MALRD1: variants seen among roughly 807,000 people sequenced by gnomAD.
MALRD1 encodes MAM and LDL-receptor class A domain-containing protein 1.
A neutral mutation model predicts 242.1 loss-of-function variants in MALRD1; 247 were observed. That is an observed-to-expected ratio of 1.02 (90% confidence interval 0.92 to 1.13). The LOEUF (loss-of-function observed/expected upper bound fraction) is 1.13, where lower values mean the gene tolerates loss of function less well. Ranked by LOEUF, MALRD1 falls within the 50% of genes most tolerant of loss-of-function variation. MALRD1 has a pLI of 0.00. For synonymous variants in MALRD1, 995 were observed against 866.6 expected (o/e 1.15, Z -2.60); for missense variants, 2,989 against 2,533.1 (o/e 1.18, Z -3.86).
intron 38 of MALRD1, among the ~76,000 whole-genome samples, chr10:19,704,664 A>G (rs1398458938): frequency 6.6e-6 from 1 of 152,196 alleles, no homozygotes; most frequent in Non-Finnish European, 1.5e-5. Context: ...CCCTTCCACA[A>G]ACGTTTATTA....
At chr10:19,498,272 A>G (rs867925743) in intron 30 of MALRD1, among the ~76,000 whole-genome samples, 97 of 152,254 alleles carry the variant, frequency 6.4e-4, no homozygotes, top group African/African-American at 2.2e-3. Context: ...GTCAATGCAT[A>G]TAACTCCTTA....
At chr10:19,096,491 C>T (rs4748553) in intron 4 of MALRD1, among the ~76,000 whole-genome samples, 66,298 of 152,012 alleles carry the variant, frequency 0.44, 14,744 homozygotes, top group Admixed American at 0.52. Context: ...TCTCGGGATC[C>T]TTCGGCTACA....
At chr10:19,727,973 T>C (rs1424072247) in intron 38 of MALRD1, among the ~76,000 whole-genome samples, 1 of 152,206 alleles carries the variant, frequency 6.6e-6, no homozygotes, top group Non-Finnish European at 1.5e-5. Context: ...ACTAAATGTA[T>C]AGAGTGACAC....
At position 19,347,899 on chromosome 10, in the gene MALRD1, C is replaced by G. The variant is rs1472147661; in HGVS notation, c.4030C>G (p.His1344Asp). The G allele has an allele frequency of 6.5e-7, 1 of 1,550,246 alleles. No individual in the cohort carries two copies. Among genetic ancestry groups the G allele is most frequent in the East Asian group, 2.4e-5 (1 of 40,910 alleles). ...AGCAGGCACAGAGCCAGCAGCAGATCACACTTTGGGAAATTCATCTGGTCA... is the reference window on the plus strand; with the variant it reads ...AGCAGGCACAGAGCCAGCAGCAGATGACACTTTGGGAAATTCATCTGGTCA... The part of the protein sequence containing the change: ...PAAGTEPAAD[H>D]TLGNSSGHYI... Residue 1344 changes from histidine to aspartate, a missense_variant, in exon 25 of 40, where the codon CAC (histidine) becomes GAC (aspartate). His to Asp is a moderately conservative substitution (Grantham distance 81, BLOSUM62 -1). Coordinates refer to ENST00000454679, the MANE Select transcript of MALRD1 (RefSeq NM_001142308.3).
intron 23 of MALRD1, 102 bp from the exon 24 acceptor site, chr10:19,331,267 A>G: frequency 9.8e-7 from 1 of 1,015,858 alleles, no homozygotes; most frequent in Non-Finnish European, 1.4e-6. Context: ...AAAAACAAAC[A>G]ACAAAAAACA....
intron 29 of MALRD1, among the ~76,000 whole-genome samples, chr10:19,482,736 G>C (rs12218651): frequency 4.7e-5 from 7 of 150,046 alleles, no homozygotes; most frequent in Non-Finnish European, 1.0e-4. Flanking sequence ...TAACCAAGGA[G>C]GTGAAAGATA....
chr10:19,263,164 G>A (rs1375782330), intron 19 of MALRD1, among the ~76,000 whole-genome samples: 1 of 152,148 alleles, frequency 6.6e-6, no homozygotes, highest in African/African-American at 2.4e-5. Flanking sequence ...ACCCAGAACT[G>A]GGATTGCTGG....
At chr10:19,134,834 A>G (rs970962571) in intron 9 of MALRD1, among the ~76,000 whole-genome samples, 2 of 152,188 alleles carry the variant, frequency 1.3e-5, no homozygotes, top group African/African-American at 4.8e-5. Context: ...CAGGTTCTCA[A>G]GTGGATATGT....
intron 8 of MALRD1, among the ~76,000 whole-genome samples, chr10:19,131,116 A>G (rs1275023669): frequency 6.6e-6 from 1 of 152,138 alleles, no homozygotes; most frequent in Non-Finnish European, 1.5e-5. Context: ...CAAAATCTGC[A>G]TCAAAGTACA....
chr10:19,729,423 C>T (rs1046734702), intron 38 of MALRD1, among the ~76,000 whole-genome samples: 1 of 152,056 alleles, frequency 6.6e-6, no homozygotes, highest in Non-Finnish European at 1.5e-5. Context: ...TTGTGTTATA[C>T]AATTATCATA....
At chr10:19,538,083 A>G (rs866847797) in intron 32 of MALRD1, among the ~76,000 whole-genome samples, 12 of 152,374 alleles carry the variant, frequency 7.9e-5, no homozygotes, top group Middle Eastern at 3.4e-3. Context: ...AGTGTATCAT[A>G]TAAAGTGAAA....
At chr10:19,407,615 A>T (rs1833093000) in intron 28 of MALRD1, among the ~76,000 whole-genome samples, 1 of 152,238 alleles carries the variant, frequency 6.6e-6, no homozygotes, top group Non-Finnish European at 1.5e-5. Context: ...CTATAAAAAG[A>T]TGCCCTACCA....
chr10:19,695,333 C>T (rs972661872), intron 38 of MALRD1, among the ~76,000 whole-genome samples: 19 of 151,974 alleles, frequency 1.3e-4, no homozygotes, highest in South Asian at 1.0e-3. Flanking sequence ...GATAGCAGAA[C>T]GGCAAAGGAA....
intron 28 of MALRD1, among the ~76,000 whole-genome samples, chr10:19,403,163 C>A (rs78752008): frequency 6.6e-6 from 1 of 151,628 alleles, no homozygotes; most frequent in African/African-American, 2.4e-5. Context: ...TTTATGTTTT[C>A]CAAAAAAAAA....
intron 36 of MALRD1, among the ~76,000 whole-genome samples, chr10:19,629,396 GTTAT>G (rs1839813493): frequency 6.6e-6 from 1 of 152,124 alleles, no homozygotes; most frequent in Non-Finnish European, 1.5e-5. Context: ...GGAGTGGTGG[GTTAT>G]TTGTGAGGCA....
At chr10:19,567,417 GATTTC>G in intron 32 of MALRD1, 80 bp from the exon 33 acceptor site, 1 of 1,177,474 alleles carries the variant, frequency 8.5e-7, no homozygotes, top group Non-Finnish European at 1.2e-6. Flanking sequence ...CATAGCCAGA[GATTTC>G]ATTCTTTCAT....
chr10:19,188,404 G>A (rs193045894), intron 14 of MALRD1, among the ~76,000 whole-genome samples: 7 of 152,290 alleles, frequency 4.6e-5, no homozygotes, highest in African/African-American at 1.4e-4. Context: ...CAAGAAATAG[G>A]ATAATTCTGT....
chr10:19,363,181 T>A (rs1284700044), intron 26 of MALRD1, among the ~76,000 whole-genome samples: 1 of 152,110 alleles, frequency 6.6e-6, no homozygotes, highest in East Asian at 1.9e-4. Flanking sequence ...TAAAGTCATA[T>A]GCATATAAAA....
At chr10:19,661,205 A>G (rs185022164) in intron 36 of MALRD1, among the ~76,000 whole-genome samples, 1 of 152,206 alleles carries the variant, frequency 6.6e-6, no homozygotes, top group African/African-American at 2.4e-5. Context: ...AACTAGTTCA[A>G]CCATTGTGGA....
Sources: allele counts gnomAD v4.1 joint callset (sites outside exome capture counted in the v4.1 genomes callset), GRCh38; gene constraint gnomAD v4.1.1; transcripts MANE v1.5; gene names NCBI Gene and HGNC (gene_info 2026-07-23, HGNC 2026-07-21).